Variants in AVEN observed in about 807,000 individuals in gnomAD.
AVEN encodes the protein apoptosis and caspase activation inhibitor, also known as cell death regulator Aven.
A neutral mutation model predicts 38.1 loss-of-function variants in AVEN; 41 were observed. The ratio of observed to expected loss-of-function variants is 1.08; its 90% CI spans 0.84 to 1.40. The LOEUF is 1.40. AVEN is among the 40% of genes most tolerant of loss of function. The pLI is 0.00. For missense variants in AVEN, 605 were observed against 438.8 expected, an observed-to-expected ratio of 1.38 and a Z score of -3.38; for synonymous variants, 206 against 171.8, an observed-to-expected ratio of 1.20 and a Z score of -1.56.
intron 1 of AVEN, among the ~76,000 whole-genome samples, chr15:34,005,483 C>G (rs1004974399): frequency 6.6e-6 from 1 of 152,120 alleles, no homozygotes; most frequent in Non-Finnish European, 1.5e-5. Flanking sequence ...AATGTAAGTG[C>G]TCAATGGAGT....
At chr15:33,919,938 T>C (rs1177348929) in intron 2 of AVEN, among the ~76,000 whole-genome samples, 2 of 152,196 alleles carry the variant, frequency 1.3e-5, no homozygotes, top group East Asian at 1.9e-4. Context: ...CAATCTCCTA[T>C]GTCTTTGGCA....
At chr15:33,983,935 A>C (rs1896307818) in intron 2 of AVEN, among the ~76,000 whole-genome samples, 1 of 152,108 alleles carries the variant, frequency 6.6e-6, no homozygotes, top group African/African-American at 2.4e-5. Flanking sequence ...ATCATGAAAA[A>C]AAAAAAAATC....
chr15:33,941,387 T>C (rs1019732605), intron 2 of AVEN, among the ~76,000 whole-genome samples: 1 of 152,176 alleles, frequency 6.6e-6, no homozygotes, highest in African/African-American at 2.4e-5. Context: ...TCCAACTATT[T>C]AAGGTTAAAC....
At position 33,907,632 on chromosome 15, in the gene AVEN, C is replaced by T. The variant is rs1253144588; in HGVS notation, c.446-31637G>A. 2.6e-5 allele frequency among the ~76,000 whole-genome samples: 4 copies of T among 152,158 alleles called. No individual in the cohort carries two copies. The East Asian group carries it at 7.7e-4, about 29-fold the overall frequency. ...ATGTTGCTATCTGCCTTTTATTCCC[C>T]TCACCTCTCCATTCTGACAACTGTA... is the stretch of plus-strand genomic sequence containing the variant. On this transcript the variant is annotated intron_variant, in intron 2 of 5. Transcript: ENST00000306730.
In AVEN at chr15:34,073,986, C is replaced by CTTTTTTT. The variant is rs1381411256; in HGVS notation, n.720+449_720+450insAAAAAAA. 4.6e-4 allele frequency among the ~76,000 whole-genome samples: 52 copies of CTTTTTTT among 112,190 alleles called. 11 individuals are homozygous for CTTTTTTT. Among genetic ancestry groups the CTTTTTTT allele is most frequent in the African/African-American group, 1.7e-3 (41 of 24,272 alleles). The allele number at this position is 112,190 out of a possible 152,430, so 73.6% of individuals were successfully genotyped here. ...TGGAGGAACTTTCTTTTTTCTTCTT[C>CTTTTTTT]TTCTTTTTTTTTTTTTTTTTTTTTT... is the stretch of plus-strand genomic sequence containing the variant. On this transcript the variant is annotated intron_variant and non_coding_transcript_variant, in intron 1 of 11. Coordinates refer to the AVEN transcript ENST00000675287.
intron 1 of AVEN, among the ~76,000 whole-genome samples, chr15:34,027,825 C>CAA (rs539182561): frequency 0.011 from 662 of 61,180 alleles, 10 homozygotes; most frequent in Middle Eastern, 0.035. Flanking sequence ...AGGTGAGGCT[C>CAA]AAAAAAAAAA....
Position 33,877,879 on chromosome 15 carries a change from G to A in AVEN, c.446-1884C>T, listed in dbSNP as rs182500386. On this transcript the variant is annotated intron_variant, in intron 2 of 5. Transcript: ENST00000306730. ...CAGGAGAATTGCTTAAACCCGGGAG[G>A]CGGAGGTTGCAGTGAGCCAAAATCA... Among the ~76,000 whole-genome samples the A allele has an allele frequency of 7.5e-4, 114 of 152,252 alleles. 2 individuals carry two copies. The Middle Eastern group carries it at 0.01, about 14-fold the overall frequency.
rs1351638630 is a variant in AVEN, at chr15:33,933,567, AGAGAGAGAGAGAG to A, written c.446-57585_446-57573del. On this transcript the variant is annotated intron_variant, in intron 2 of 5. Coordinates refer to ENST00000306730, the MANE Select transcript of AVEN (RefSeq NM_020371.3). ...GAGAGAGAGAGAGAGAGAGAGAGAG[AGAGAGAGAGAGAG>A]AACTGAGGCATCCTCCATTGGAGCT... 4.3e-5 allele frequency among the ~76,000 whole-genome samples: 6 copies of A among 138,106 alleles called. No homozygotes were observed. In the East Asian group the frequency reaches 1.1e-3, roughly 24 times the overall value. 90.6% of individuals were successfully genotyped at this position (138,106 alleles called of 152,430 possible).
At chr15:33,952,773 A>G (rs1156362533) in intron 2 of AVEN, among the ~76,000 whole-genome samples, 1 of 152,006 alleles carries the variant, frequency 6.6e-6, no homozygotes, top group African/African-American at 2.4e-5. Context: ...TGAATGCCTA[A>G]TAGGGCACTA....
At chr15:33,940,471 C>T (rs772841188) in intron 2 of AVEN, among the ~76,000 whole-genome samples, 12 of 152,108 alleles carry the variant, frequency 7.9e-5, no homozygotes, top group African/African-American at 1.4e-4. Context: ...GAAAGTATGC[C>T]GGTCATACCT....
downstream of AVEN, chr15:33,856,907 T>G (rs996042128): frequency 2.0e-5 from 3 of 152,304 alleles, no homozygotes; most frequent in African/African-American, 7.2e-5. Context: ...TCCGCCCGCC[T>G]CGGCCTCCTA....
intron 2 of AVEN, among the ~76,000 whole-genome samples, chr15:33,904,248 T>C (rs1193539901): frequency 6.6e-6 from 1 of 152,190 alleles, no homozygotes; most frequent in Non-Finnish European, 1.5e-5. Context: ...AGTGATACCC[T>C]GTCTCTACAA....
At chr15:33,884,169 AAAT>A (rs1891604414) in intron 2 of AVEN, among the ~76,000 whole-genome samples, 1 of 152,180 alleles carries the variant, frequency 6.6e-6, no homozygotes, top group African/African-American at 2.4e-5. Context: ...TTACAATAAT[AAAT>A]TATTAAGTAG....
rs139563196 is a variant in AVEN, at chr15:33,956,450, T to G, written c.445+46582A>C. Among the ~76,000 whole-genome samples, 556 of 152,362 alleles carry G rather than the reference T, an allele frequency of 3.6e-3. 2 individuals carry two copies. Among genetic ancestry groups the G allele is most frequent in the African/African-American group, 0.013 (539 of 41,586 alleles). ...TCTCCTATGAGTGCATTGAGCATCT[T>G]TTCACATGTTTAAGAGCCATTTGCA... is the stretch of plus-strand genomic sequence containing the variant. On this transcript the variant is annotated intron_variant, in intron 2 of 5. Coordinates refer to ENST00000306730, the MANE Select transcript of AVEN (RefSeq NM_020371.3).
chr15:33,885,730 A>G (rs1174681632), intron 2 of AVEN: 1 of 152,180 alleles, frequency 6.6e-6, no homozygotes, highest in Admixed American at 6.5e-5. Context: ...CCCCATCTGC[A>G]TGGATTATGT....
intron 2 of AVEN, among the ~76,000 whole-genome samples, chr15:33,884,811 G>A (rs905072231): frequency 1.3e-5 from 2 of 152,182 alleles, no homozygotes; most frequent in African/African-American, 2.4e-5. Context: ...ATACAGATCA[G>A]GCATATGTGA....
chr15:34,062,554 CA>C (rs10632153), intron 5 of AVEN: 9,602 of 406,824 alleles, frequency 0.024, 11 homozygotes, highest in South Asian at 0.053. Context: ...GATTCTGTCT[CA>C]AAAAAAAAAA....
downstream of AVEN, among the ~76,000 whole-genome samples, chr15:33,857,363 T>A (rs935128371): frequency 2.0e-5 from 3 of 151,998 alleles, no homozygotes; most frequent in African/African-American, 7.3e-5. Flanking sequence ...TCTCTCTCTG[T>A]GTCTCCAACT....
At position 33,878,828 on chromosome 15, in the gene AVEN, T is replaced by C. The variant is rs371238109; in HGVS notation, c.446-2833A>G. 2.6e-5 allele frequency among the ~76,000 whole-genome samples: 4 copies of C among 152,278 alleles called. No homozygotes were observed. In the East Asian group the frequency reaches 7.7e-4, roughly 29 times the overall value. ...AGAATATATGAAATATGATTGCTAA[T>C]ATATATGAAGTAAATGACAGATGTA... On this transcript the variant is annotated intron_variant, in intron 2 of 5. Transcript: ENST00000306730.
Sources: gnomAD v4.1 joint callset for allele counts (sites outside exome capture counted in the v4.1 genomes callset) on GRCh38, gnomAD v4.1.1 for gene constraint, MANE v1.5 for transcripts, NCBI Gene and HGNC (gene_info 2026-07-23, HGNC 2026-07-21) for gene names.